The following ANKMY1 variants were observed in gnomAD, a reference collection of about 807,000 sequenced individuals.
The protein encoded by ANKMY1 is ankyrin repeat and MYND domain containing 1, also known as ankyrin repeat and MYND domain-containing protein 1.
Under a neutral mutation model 102.0 loss-of-function variants are expected in ANKMY1, and 98 were observed. The ratio of observed to expected loss-of-function variants is 0.96; its 90% CI spans 0.82 to 1.14. The LOEUF (loss-of-function observed/expected upper bound fraction) is 1.14, where lower values mean the gene tolerates loss of function less well. Ranked by LOEUF, ANKMY1 falls within the 50% of genes most tolerant of loss-of-function variation. ANKMY1 has a pLI of 0.00. For missense variants in ANKMY1, 1,330 were observed against 1,347.6 expected (o/e 0.99, Z 0.20); for synonymous variants, 582 against 559.9 (o/e 1.04, Z -0.56).
intron 13 of ANKMY1, among the ~76,000 whole-genome samples, chr2:240,507,227 G>A (rs2079225051): frequency 6.6e-6 from 1 of 152,032 alleles, no homozygotes; most frequent in African/African-American, 2.4e-5. Flanking sequence ...CAGAACAAAT[G>A]ACCCACCGCC....
chr2:240,536,377 T>C (rs2086747790), intron 4 of ANKMY1, among the ~76,000 whole-genome samples: 1 of 151,520 alleles, frequency 6.6e-6, no homozygotes, highest in Non-Finnish European at 1.5e-5. Context: ...TTGGGGAAAA[T>C]GAATAAAATT....
intron 11 of ANKMY1, among the ~76,000 whole-genome samples, chr2:240,510,363 C>G (rs892785510): frequency 6.6e-6 from 1 of 152,016 alleles, no homozygotes; most frequent in African/African-American, 2.4e-5. Flanking sequence ...TGACTCCTCC[C>G]TGGGAACCCC....
the ANKMY1 span, among the ~76,000 whole-genome samples, chr2:240,473,577 A>T: frequency 2.6e-5 from 4 of 152,190 alleles, no homozygotes; most frequent in African/African-American, 9.6e-5. Context: ...TGAATTATAG[A>T]AGTCTCAAAA....
intron 11 of ANKMY1, among the ~76,000 whole-genome samples, chr2:240,510,032 C>A (rs2079851666): frequency 1.5e-5 from 2 of 136,526 alleles, no homozygotes; most frequent in Admixed American, 1.5e-4. Context: ...TCCCTGTCCT[C>A]CCTTCCTATC....
chr2:240,511,496 C>A (rs1399997228), intron 11 of ANKMY1, among the ~76,000 whole-genome samples: 1 of 152,350 alleles, frequency 6.6e-6, no homozygotes, highest in East Asian at 1.9e-4. Context: ...CCGCCCAGGG[C>A]TCTGGAAGAT....
rs994659795 is a variant in ANKMY1, at chr2:240,554,882, G to A, written c.320C>T (p.Ser107Phe). The change falls in exon 3 of 18, where the codon TCT becomes TTT. Residue 107 changes from serine to phenylalanine, a missense_variant. Ser to Phe is a radical substitution (Grantham distance 155). Transcript: ENST00000401804. The part of the protein sequence containing the change: ...LNMKLGYGKF[S>F]WPTGESYHGQ... ...AGCAGTTACCTCGCCTGTGGGCCAA[G>A]AGAATTTGCCATATCCAAGCTTCAT... 2.5e-6 allele frequency: 4 copies of A among 1,614,156 alleles called. No homozygotes were observed. The Admixed American group carries it at 5.0e-5, about 20-fold the overall frequency.
At chr2:240,536,840 T>G (rs1283709507) in intron 4 of ANKMY1, among the ~76,000 whole-genome samples, 3 of 152,204 alleles carry the variant, frequency 2.0e-5, no homozygotes, top group Admixed American at 1.3e-4. Context: ...GTATAATTTA[T>G]TGTAATTTTT....
At chr2:240,523,695 C>A (rs1575140494) in intron 8 of ANKMY1, 190 bp downstream of exon 8, 8 of 970,776 alleles carry the variant, frequency 8.2e-6, no homozygotes, top group Non-Finnish European at 1.2e-5. Flanking sequence ...GAAAACAGCC[C>A]GTCACCGTGG....
intron 12 of ANKMY1, 55 bp from the exon 13 acceptor site, chr2:240,507,746 A>G: frequency 6.5e-7 from 1 of 1,540,532 alleles, no homozygotes; most frequent in Non-Finnish European, 8.8e-7. Context: ...CCCCTGACAG[A>G]GGGGAAGGCC....
intron 4 of ANKMY1, chr2:240,552,693 CAT>C: frequency 1.6e-6 from 1 of 620,492 alleles, no homozygotes; most frequent in South Asian, 2.0e-5. Context: ...ATCTAAAGGA[CAT>C]GTAACAATTT....
At chr2:240,548,159 T>C (rs1474106977) in intron 4 of ANKMY1, among the ~76,000 whole-genome samples, 2 of 152,116 alleles carry the variant, frequency 1.3e-5, no homozygotes, top group African/African-American at 2.4e-5. Flanking sequence ...AAAAAGCTTA[T>C]CCACCATGAT....
chr2:240,543,851 G>A (rs1020680431), intron 4 of ANKMY1, among the ~76,000 whole-genome samples: 4 of 152,128 alleles, frequency 2.6e-5, no homozygotes, highest in Admixed American at 1.3e-4. Flanking sequence ...ATGATATGGG[G>A]AAATATGTTT....
intron 15 of ANKMY1, among the ~76,000 whole-genome samples, chr2:240,488,711 G>C (rs1278662293): frequency 1.3e-5 from 2 of 152,062 alleles, no homozygotes; most frequent in African/African-American, 4.8e-5. Context: ...TTATTCCTAA[G>C]TATTTTTTTG....
chr2:240,553,202 T>C (rs988774478), intron 3 of ANKMY1, 145 bp from the exon 4 acceptor site: 5 of 990,074 alleles, frequency 5.1e-6, no homozygotes, highest in Non-Finnish European at 7.3e-6. Context: ...GGCATGCGAC[T>C]ATTAGAGTCG....
At chr2:240,519,549 G>A (rs1370340445) in intron 9 of ANKMY1, among the ~76,000 whole-genome samples, 1 of 152,192 alleles carries the variant, frequency 6.6e-6, no homozygotes, top group African/African-American at 2.4e-5. Context: ...GCAGTCATGG[G>A]CAGCGACCGA....
In ANKMY1 at chr2:240,520,452, G is replaced by C; in HGVS notation, c.1914C>G (p.Val638=). ...DPNLCCVPMQ[V]LFLAVKAGDV... ...CCCCGGCCTTCACAGCAAGGAACAG[G>C]ACCTGCATGGGCACGCAGCACAGGT... Residue 638 remains valine, a synonymous_variant, in exon 9 of 18, where the codon GTC becomes GTG. Coordinates refer to ENST00000401804, the MANE Select transcript of ANKMY1 (RefSeq NM_001282771.3). This position sits in a 1 kb window ranked among gnomAD's most constrained non-coding sequence, Gnocchi z 4.8. The C allele has an allele frequency of 6.2e-7, 1 of 1,613,426 alleles. No individual in the cohort carries two copies. Among genetic ancestry groups the C allele is most frequent in the Non-Finnish European group, 8.5e-7 (1 of 1,179,792 alleles).
At chr2:240,469,615 C>CCACACGAACATACACCCAT in the ANKMY1 span, among the ~76,000 whole-genome samples, 6 of 151,110 alleles carry the variant, frequency 4.0e-5, no homozygotes, top group Admixed American at 4.0e-4. Flanking sequence ...GGTGTCTGCT[C>CCACACGAACATACACCCAT]CACACGAACA....
At chr2:240,551,860 G>A (rs1311585560) in intron 4 of ANKMY1, among the ~76,000 whole-genome samples, 2 of 151,978 alleles carry the variant, frequency 1.3e-5, no homozygotes, top group African/African-American at 4.8e-5. Context: ...GACCCTTCTG[G>A]TCTTAAAGCT....
intron 11 of ANKMY1, among the ~76,000 whole-genome samples, chr2:240,510,511 C>T (rs1256346518): frequency 2.6e-5 from 4 of 152,216 alleles, no homozygotes; most frequent in Non-Finnish European, 5.9e-5. Context: ...TCCTCCTCCC[C>T]CACTGCAGGG....
Sources: gnomAD v4.1 joint callset for allele counts (sites outside exome capture counted in the v4.1 genomes callset) on GRCh38, gnomAD v4.1.1 for gene constraint, Gnocchi (gnomAD v3.1) non-coding constraint, MANE v1.5 for transcripts, NCBI Gene and HGNC (gene_info 2026-07-23, HGNC 2026-07-21) for gene names.